SAP30BP: variants seen among roughly 807,000 people sequenced by gnomAD.
SAP30BP encodes the protein SAP30 binding protein.
SAP30BP carries 31 observed loss-of-function variants against 46.3 expected under a neutral mutation model. The ratio of observed to expected loss-of-function variants is 0.67; its 90% confidence interval spans 0.50 to 0.90. The LOEUF (loss-of-function observed/expected upper bound fraction) is 0.90, where lower values mean the gene tolerates loss of function less well. Ranked by LOEUF, SAP30BP falls within the 40% of genes least tolerant of loss-of-function variation. The pLI is 0.00. For synonymous variants in SAP30BP, 169 were observed against 144.2 expected, an observed-to-expected ratio of 1.17 and a Z score of -1.23; for missense variants, 312 against 391.0, an observed-to-expected ratio of 0.80 and a Z score of 1.70.
At position 75,682,346 on chromosome 17, in the gene SAP30BP, G is replaced by A. The variant is rs1302218190; in HGVS notation, c.264+10483G>A. 3.9e-5 allele frequency among the ~76,000 whole-genome samples: 6 copies of A among 151,934 alleles called. No individual in the cohort carries two copies. In the East Asian group the frequency reaches 1.2e-3, roughly 30 times the overall value. ...ATTACAGGTGTGCACCACCACACCC[G>A]GCTAATTTTGTATTTTTCAGTAGAG... On this transcript the variant is annotated intron_variant, in intron 3 of 10. Transcript: ENST00000584667.
chr17:75,686,747 G>A (rs1464447924), intron 3 of SAP30BP, among the ~76,000 whole-genome samples: 1 of 152,184 alleles, frequency 6.6e-6, no homozygotes, highest in Non-Finnish European at 1.5e-5. Context: ...AAATGTGCTA[G>A]CAATGGGCTT....
At chr17:75,690,810 C>T in intron 3 of SAP30BP, 1 of 455,226 alleles carries the variant, frequency 2.2e-6, no homozygotes, top group Non-Finnish European at 4.4e-6. Context: ...GATTGATTCT[C>T]CAGAGCCTTG....
At chr17:75,697,359 AACCTCAGCCT>A (rs1308340487) in intron 4 of SAP30BP, among the ~76,000 whole-genome samples, 1 of 152,214 alleles carries the variant, frequency 6.6e-6, no homozygotes, top group Non-Finnish European at 1.5e-5. Flanking sequence ...CAGCTTCTGC[AACCTCAGCCT>A]TGGCACTTTC....
intron 6 of SAP30BP, 70 bp downstream of exon 6, chr17:75,702,641 A>G: frequency 2.8e-6 from 2 of 723,070 alleles, no homozygotes; most frequent in South Asian, 1.9e-5. Flanking sequence ...GACGTCCCCA[A>G]GGAGGTGGTG....
chr17:75,699,744 A>G, intron 4 of SAP30BP, 39 bp from the exon 5 acceptor site: 1 of 1,428,840 alleles, frequency 7.0e-7, no homozygotes, highest in Non-Finnish European at 9.9e-7. Context: ...CCCTTGTTCT[A>G]ATCCCCACCT....
chr17:75,671,082 T>C (rs1010980048), intron 2 of SAP30BP, among the ~76,000 whole-genome samples: 2 of 152,196 alleles, frequency 1.3e-5, no homozygotes, highest in African/African-American at 4.8e-5. Context: ...GGAGAATGCC[T>C]TACCGTGTGT....
intron 6 of SAP30BP, 147 bp from the exon 7 acceptor site, chr17:75,703,164 T>G: frequency 1.5e-6 from 1 of 683,268 alleles, no homozygotes; most frequent in Non-Finnish European, 2.6e-6. Flanking sequence ...CCTGGGAGAG[T>G]GGAGGGCCAT....
At position 75,699,865 on chromosome 17, in the gene SAP30BP, C is replaced by CT; in HGVS notation, c.392dup (p.Leu131PhefsTer10). 2 of 1,611,460 alleles carry CT rather than the reference C, an allele frequency of 1.2e-6. No individual in the cohort carries two copies. The highest frequency in any genetic ancestry group is 1.7e-6 in the Non-Finnish European group (2 of 1,177,692). ...AACCCCCTGGCAGATGTTCAAATCACTTGCAAGTAAGCATGAGACTCGGCT... is the reference window on the plus strand; with the variant it reads ...AACCCCCTGGCAGATGTTCAAATCACTTTGCAAGTAAGCATGAGACTCGGCT... On this transcript the variant is annotated frameshift_variant, in exon 5 of 11. Coordinates refer to ENST00000584667, the MANE Select transcript of SAP30BP (RefSeq NM_013260.8). LOFTEE classifies it high-confidence loss of function.
At chr17:75,692,382 A>G in intron 3 of SAP30BP, 18 of 985,458 alleles carry the variant, frequency 1.8e-5, no homozygotes, top group Non-Finnish European at 2.2e-5. Flanking sequence ...TCCCTCACTC[A>G]TCAGCAGGAA....
In SAP30BP at chr17:75,693,181, G is replaced by A. The variant is rs186961942; in HGVS notation, c.265-259G>A. On this transcript the variant is annotated intron_variant, in intron 3 of 10. Transcript: ENST00000584667. The stretch of plus-strand genomic sequence containing the variant: ...CTTGCTGGCTTGTGTTCTCCTCAGC[G>A]ATGGTGGGTTTGGTCACTGAAAAGG... 1.1e-3 allele frequency: 490 copies of A among 466,464 alleles called. 3 individuals carry two copies. Among genetic ancestry groups the A allele is most frequent in the South Asian group, 2.7e-3 (105 of 39,388 alleles). The allele number at this position is 466,464 out of a possible 1,614,324, so 28.9% of individuals were successfully genotyped here.
In SAP30BP at chr17:75,703,800, C is replaced by T; in HGVS notation, c.550-8C>T. 6.2e-7 allele frequency: 1 copy of T among 1,613,200 alleles called. No homozygotes were observed. The highest frequency in any genetic ancestry group is 1.1e-5 in the South Asian group (1 of 91,056). ...TGTCATCTGAGTCATTCGCCTTTTC[C>T]TTTGCAGGATATGTTTGATCCCCAT... On this transcript the variant is annotated splice_region_variant and splice_polypyrimidine_tract_variant and intron_variant, in intron 7 of 10. Coordinates refer to ENST00000584667, the MANE Select transcript of SAP30BP (RefSeq NM_013260.8).
chr17:75,668,474 T>C (rs1435114273), intron 1 of SAP30BP, 42 bp from the exon 2 acceptor site: 1 of 1,289,386 alleles, frequency 7.8e-7, no homozygotes, highest in Non-Finnish European at 1.1e-6. Flanking sequence ...TTGTTTTTTT[T>C]TTCTTGCTTT....
At chr17:75,705,628 G>C in intron 9 of SAP30BP, 1 of 1,059,330 alleles carries the variant, frequency 9.4e-7, no homozygotes, top group East Asian at 7.6e-5. Flanking sequence ...GCAGGGACGT[G>C]TCTGCAGCGC....
intron 4 of SAP30BP, among the ~76,000 whole-genome samples, chr17:75,698,021 A>C (rs1382674854): frequency 6.6e-6 from 1 of 152,128 alleles, no homozygotes; most frequent in African/African-American, 2.4e-5. Flanking sequence ...ATCCTGCCCC[A>C]CCCTGCCCTG....
intron 4 of SAP30BP, among the ~76,000 whole-genome samples, chr17:75,697,276 A>G (rs901219970): frequency 6.6e-6 from 1 of 152,320 alleles, no homozygotes; most frequent in Middle Eastern, 3.4e-3. Context: ...AGCGCCTGCC[A>G]AGGCCCTCCT....
intron 3 of SAP30BP, chr17:75,692,648 A>C (rs982933662): frequency 1.0e-4 from 31 of 309,668 alleles, no homozygotes; most frequent in Non-Finnish European, 1.5e-4. Flanking sequence ...ACTACAGAAC[A>C]GTGAAATCCA....
chr17:75,667,482 A>G lies in SAP30BP; in HGVS notation c.106+4A>G. 6.2e-7 allele frequency: 1 copy of G among 1,613,902 alleles called. No homozygotes were observed. The highest frequency in any genetic ancestry group is 8.5e-7 in the Non-Finnish European group (1 of 1,179,892). On this transcript the variant is annotated splice_donor_region_variant and intron_variant, in intron 1 of 10. Transcript: ENST00000584667. ...GAGGCGGTGGGCAGCGCGGCTGGTAAGGCCCAAGTGCGAAGCTGGAAGGGG... is the reference window on the plus strand; with the variant it reads ...GAGGCGGTGGGCAGCGCGGCTGGTAGGGCCCAAGTGCGAAGCTGGAAGGGG...
intron 4 of SAP30BP, among the ~76,000 whole-genome samples, chr17:75,695,125 C>G (rs1363119863): frequency 6.6e-6 from 1 of 152,212 alleles, no homozygotes; most frequent in Non-Finnish European, 1.5e-5. Context: ...CTTTGCCTTT[C>G]TTTAGAATTT....
intron 7 of SAP30BP, 51 bp from the exon 8 acceptor site, chr17:75,703,757 T>A (rs1375990047): frequency 1.3e-6 from 2 of 1,522,226 alleles, no homozygotes; most frequent in Non-Finnish European, 1.8e-6. Flanking sequence ...GGCCAGGAAC[T>A]TGGGTTTCTG....
Sources: allele counts gnomAD v4.1 joint callset (sites outside exome capture counted in the v4.1 genomes callset), GRCh38; gene constraint gnomAD v4.1.1; transcripts MANE v1.5; gene names NCBI Gene and HGNC (gene_info 2026-07-23, HGNC 2026-07-21).